The following MKLN1 variants were observed in gnomAD, a reference collection of about 807,000 sequenced individuals.
The protein encoded by MKLN1 is muskelin 1.
In MKLN1, 18 loss-of-function variants were observed where a neutral mutation model predicts 99.0. The ratio of observed to expected loss-of-function variants is 0.18; its 90% confidence interval spans 0.13 to 0.27. The LOEUF (loss-of-function observed/expected upper bound fraction) is 0.27, where lower values mean the gene tolerates loss of function less well. Among genes scored for constraint, MKLN1 ranks in the 10% least tolerant of loss-of-function variants. The pLI, the probability that MKLN1 is intolerant of heterozygous loss-of-function variation, is 1.00. For missense variants in MKLN1, 621 were observed against 875.9 expected (o/e 0.71, Z 3.67); for synonymous variants, 288 against 293.2 (o/e 0.98, Z 0.18).
chr7:131,419,143 A>C (rs575309574), intron 8 of MKLN1, among the ~76,000 whole-genome samples: 5 of 151,418 alleles, frequency 3.3e-5, no homozygotes, highest in Non-Finnish European at 7.4e-5. Flanking sequence ...AATAGATTTT[A>C]AGGGAGCCCA....
intron 17 of MKLN1, among the ~76,000 whole-genome samples, chr7:131,485,470 G>A (rs1797246148): frequency 6.6e-6 from 1 of 152,004 alleles, no homozygotes; most frequent in African/African-American, 2.4e-5. Flanking sequence ...GCAGGGCTGT[G>A]GGAGAACAGG....
intron 2 of MKLN1, among the ~76,000 whole-genome samples, chr7:131,171,855 G>C (rs1796221020): frequency 6.6e-6 from 1 of 152,206 alleles, no homozygotes; most frequent in East Asian, 1.9e-4. Flanking sequence ...TGGGTTTGTA[G>C]AGCAAAAGAA....
At chr7:131,253,872 G>A (rs1464759272) in intron 3 of MKLN1, among the ~76,000 whole-genome samples, 1 of 152,208 alleles carries the variant, frequency 6.6e-6, no homozygotes, top group Non-Finnish European at 1.5e-5. Flanking sequence ...CTAAACTGTA[G>A]GCTGATTGGT....
At chr7:131,418,938 T>A (rs1795106666) in intron 8 of MKLN1, among the ~76,000 whole-genome samples, 1 of 152,054 alleles carries the variant, frequency 6.6e-6, no homozygotes, top group Admixed American at 6.5e-5. Flanking sequence ...ATTAAACAGG[T>A]CTCTAGTTGT....
At chr7:131,347,367 A>T (rs978704320) in intron 1 of MKLN1, among the ~76,000 whole-genome samples, 4 of 152,188 alleles carry the variant, frequency 2.6e-5, no homozygotes, top group African/African-American at 9.7e-5. Context: ...TGGGCATTGA[A>T]GCTGTATATG....
intron 3 of MKLN1, among the ~76,000 whole-genome samples, chr7:131,261,881 A>G (rs1296256308): frequency 6.6e-6 from 1 of 152,214 alleles, no homozygotes; most frequent in African/African-American, 2.4e-5. Flanking sequence ...GTACTAAGCG[A>G]ACTATTAATA....
At chr7:131,292,608 A>C (rs892436989) in intron 3 of MKLN1, among the ~76,000 whole-genome samples, 5 of 152,224 alleles carry the variant, frequency 3.3e-5, no homozygotes, top group African/African-American at 1.2e-4. Flanking sequence ...GAGGCGTTGT[A>C]GCTGCAAGCC....
chr7:131,227,382 T>TG (rs1234502718), intron 3 of MKLN1, among the ~76,000 whole-genome samples: 1 of 151,628 alleles, frequency 6.6e-6, no homozygotes, highest in African/African-American at 2.4e-5. Flanking sequence ...TTTTCTTTCT[T>TG]TTTTTTCTTT....
intron 3 of MKLN1, among the ~76,000 whole-genome samples, chr7:131,237,163 C>T (rs777344131): frequency 6.6e-6 from 1 of 152,092 alleles, no homozygotes; most frequent in Non-Finnish European, 1.5e-5. Flanking sequence ...TGCAATTTAT[C>T]ACACAATGTC....
At chr7:131,351,748 C>G (rs1002428691) in intron 1 of MKLN1, among the ~76,000 whole-genome samples, 2 of 152,158 alleles carry the variant, frequency 1.3e-5, no homozygotes, top group East Asian at 3.8e-4. Context: ...AGACCACTCC[C>G]TAGGTGGTGC....
At chr7:131,172,662 T>C (rs1049779321) in intron 2 of MKLN1, among the ~76,000 whole-genome samples, 3 of 152,192 alleles carry the variant, frequency 2.0e-5, no homozygotes, top group Non-Finnish European at 2.9e-5. Flanking sequence ...CAAAGTTAGA[T>C]AATAGAAATT....
chr7:131,449,642 T>A (rs965488052), intron 12 of MKLN1, among the ~76,000 whole-genome samples: 3 of 151,394 alleles, frequency 2.0e-5, no homozygotes, highest in Non-Finnish European at 4.4e-5. Flanking sequence ...ATTATTCTCT[T>A]TTTTTCTGTT....
chr7:131,171,709 C>G (rs372992423), intron 2 of MKLN1, among the ~76,000 whole-genome samples: 1 of 152,160 alleles, frequency 6.6e-6, no homozygotes, highest in African/African-American at 2.4e-5. Flanking sequence ...CCACCCACCT[C>G]GGCCTCCCAA....
intron 1 of MKLN1, among the ~76,000 whole-genome samples, chr7:131,139,855 A>G (rs1795705457): frequency 6.6e-6 from 1 of 152,156 alleles, no homozygotes; most frequent in Non-Finnish European, 1.5e-5. Context: ...GGCCAAGACC[A>G]GTACTGGTTT....
At chr7:131,159,099 T>G (rs1441063394) in intron 2 of MKLN1, among the ~76,000 whole-genome samples, 1 of 151,972 alleles carries the variant, frequency 6.6e-6, no homozygotes, top group Admixed American at 6.6e-5. Flanking sequence ...GAGGCTGAAG[T>G]GAGAGGATCG....
At chr7:131,117,459 CA>C (rs529266228) in intron 1 of MKLN1, among the ~76,000 whole-genome samples, 334 of 62,446 alleles carry the variant, frequency 5.3e-3, no homozygotes, top group South Asian at 0.013. Context: ...ACAACAACAA[CA>C]AACAAACAAA....
intron 17 of MKLN1, among the ~76,000 whole-genome samples, chr7:131,482,826 C>T (rs1038833587): frequency 1.3e-5 from 2 of 152,230 alleles, no homozygotes; most frequent in African/African-American, 4.8e-5. Flanking sequence ...GCCAAGTGCT[C>T]TTCTAAGCAC....
rs1187218027 is a variant in MKLN1 at position 131,489,943 on chromosome 7, T to C, written c.*2215T>C. On this transcript the variant is annotated 3_prime_UTR_variant, in exon 18 of 18. Coordinates refer to ENST00000352689, the MANE Select transcript of MKLN1 (RefSeq NM_013255.5). ...GGTTGAATCATAGCGAGCCATTTGC[T>C]CTTGCCAAAGTGAGATAGATGTACT... 2 of 152,208 alleles carry C rather than the reference T, an allele frequency of 1.3e-5. No individual in the cohort carries two copies. Among genetic ancestry groups the C allele is most frequent in the Non-Finnish European group, 2.9e-5 (2 of 68,008 alleles). The allele number at this position is 152,208 out of a possible 1,614,324, so 9.4% of individuals were successfully genotyped here.
intron 4 of MKLN1, among the ~76,000 whole-genome samples, chr7:131,392,709 G>A (rs1001598435): frequency 1.1e-4 from 16 of 151,204 alleles, no homozygotes; most frequent in African/African-American, 3.7e-4. Flanking sequence ...GGGTTCAAGC[G>A]ATTCTCCTGC....
Sources: gnomAD v4.1 joint callset for allele counts (sites outside exome capture counted in the v4.1 genomes callset) on GRCh38, gnomAD v4.1.1 for gene constraint, MANE v1.5 for transcripts, NCBI Gene and HGNC (gene_info 2026-07-23, HGNC 2026-07-21) for gene names.